The following ZNF146 variants were observed in gnomAD, a reference collection of about 807,000 sequenced individuals.
ZNF146 encodes the protein zinc finger protein 146, also known as zinc finger protein OZF.
A neutral mutation model predicts 22.2 loss-of-function variants in ZNF146; 9 were observed. That is an observed-to-expected ratio of 0.41 (90% confidence interval 0.24 to 0.71). The LOEUF (loss-of-function observed/expected upper bound fraction) is 0.71. Among genes scored for constraint, ZNF146 ranks in the 30% least tolerant of loss-of-function variants. The probability of loss-of-function intolerance (pLI) is 0.34; values close to 1 mark genes in which losing one functional copy is unlikely to be tolerated. For missense variants in ZNF146, 194 were observed against 344.8 expected, an observed-to-expected ratio of 0.56 and a Z score of 3.46; for synonymous variants, 108 against 119.2, an observed-to-expected ratio of 0.91 and a Z score of 0.61.
intron 1 of ZNF146, among the ~76,000 whole-genome samples, chr19:36,215,546 C>G (rs1395855829): frequency 6.6e-6 from 1 of 151,930 alleles, no homozygotes; most frequent in Non-Finnish European, 1.5e-5. Context: ...CCTGGAGCGT[C>G]TTTTTTACTT....
chr19:36,227,821 T>C (rs1240324637), intron 2 of ZNF146, among the ~76,000 whole-genome samples: 1 of 152,186 alleles, frequency 6.6e-6, no homozygotes, highest in Non-Finnish European at 1.5e-5. Context: ...TCCCGAAGTG[T>C]TGGGATTATA....
chr19:36,224,909 T>C lies in ZNF146; in HGVS notation c.-854-3839T>C, dbSNP rs28402142. Among the ~76,000 whole-genome samples the C allele has an allele frequency of 5.6e-3, 857 of 152,336 alleles. 7 individuals carry two copies. Among genetic ancestry groups the C allele is most frequent in the African/African-American group, 0.019 (804 of 41,568 alleles). ...CTGGATGTTTTGTTTTATGTTGCTA[T>C]GAATGGAGTCATTGTTGGCATATAT... is the stretch of plus-strand genomic sequence containing the variant. On this transcript the variant is annotated intron_variant, in intron 2 of 3. Transcript: ENST00000443387.
chr19:36,223,519 C>T (rs1485623224), intron 2 of ZNF146, among the ~76,000 whole-genome samples: 1 of 151,922 alleles, frequency 6.6e-6, no homozygotes, highest in Non-Finnish European at 1.5e-5. Flanking sequence ...CATGCCACCA[C>T]GCCTGGTTAA....
chr19:36,218,949 C>G (rs2432041), intron 2 of ZNF146, among the ~76,000 whole-genome samples: 1 of 151,412 alleles, frequency 6.6e-6, no homozygotes, highest in Non-Finnish European at 1.5e-5. Flanking sequence ...GCTGGGACTA[C>G]GGGCGCCCAC....
upstream of ZNF146, chr19:36,214,848 C>T (rs572488689): frequency 2.6e-5 from 4 of 152,762 alleles, no homozygotes; most frequent in East Asian, 7.7e-4. Context: ...CCAGACCTTC[C>T]AGCAAGCTTG....
chr19:36,232,187 T>C (rs1221970899), intron 3 of ZNF146, among the ~76,000 whole-genome samples: 4 of 109,952 alleles, frequency 3.6e-5, no homozygotes, highest in African/African-American at 1.5e-4. Flanking sequence ...AGAGCGAGAC[T>C]CCATCTCAAA....
At chr19:36,218,053 C>CCTCA in intron 1 of ZNF146, 69 bp from the exon 2 acceptor site, 1 of 151,334 alleles carries the variant, frequency 6.6e-6, no homozygotes, top group African/African-American at 2.4e-5. Flanking sequence ...GATCTGCCTG[C>CCTCA]CTCAGCCTCC....
chr19:36,217,943 G>C (rs953266535), intron 1 of ZNF146, among the ~76,000 whole-genome samples, 179 bp from the exon 2 acceptor site: 1 of 151,896 alleles, frequency 6.6e-6, no homozygotes, highest in Non-Finnish European at 1.5e-5. Context: ...GGCTGTTGGG[G>C]TGGGGGTACT....
At chr19:36,223,244 C>T (rs1410291186) in intron 2 of ZNF146, among the ~76,000 whole-genome samples, 2 of 151,858 alleles carry the variant, frequency 1.3e-5, no homozygotes, top group Non-Finnish European at 2.9e-5. Context: ...TGGTGAAACC[C>T]CGTCTCTACT....
intron 2 of ZNF146, among the ~76,000 whole-genome samples, chr19:36,218,820 G>T (rs1976719446): frequency 7.0e-6 from 1 of 142,914 alleles, no homozygotes; most frequent in Non-Finnish European, 1.5e-5. Context: ...TTTTTTTGGT[G>T]GAGGGGGGGA....
At chr19:36,232,609 CT>C (rs548903056) in intron 3 of ZNF146, among the ~76,000 whole-genome samples, 7,060 of 139,990 alleles carry the variant, frequency 0.05, 541 homozygotes, top group African/African-American at 0.17. Flanking sequence ...TTTCTTTTTT[CT>C]TTTTTTTTTT....
At chr19:36,226,272 A>G (rs62113114) in intron 2 of ZNF146, among the ~76,000 whole-genome samples, 6,556 of 152,290 alleles carry the variant, frequency 0.043, 192 homozygotes, top group Non-Finnish European at 0.069. Context: ...AGTTGCTTCC[A>G]GCCAACTCAC....
chr19:36,233,975 T>G (rs973573548), intron 3 of ZNF146, among the ~76,000 whole-genome samples: 1 of 152,094 alleles, frequency 6.6e-6, no homozygotes, highest in South Asian at 2.1e-4. Flanking sequence ...TTTCAGACTA[T>G]CACATGGGGA....
rs1418855931 is a variant in ZNF146 at position 36,236,736 on chromosome 19, C to T, written c.296C>T (p.Pro99Leu). 6.2e-7 allele frequency: 1 copy of T among 1,614,116 alleles called. No homozygotes were observed. The highest frequency in any genetic ancestry group is 1.1e-5 in the South Asian group (1 of 91,080). ...CAGAAAATTCACACTGGAGAAAAAC[C>T]TTTTGAGTGTAAAGATTGCGGGAAA... is the stretch of plus-strand genomic sequence containing the variant. ...THQKIHTGEK[P>L]FECKDCGKAF... is the part of the protein sequence containing the mutation. Residue 99 changes from proline to leucine, a missense_variant, in exon 4 of 4, where the codon CCT becomes CTT. Coordinates refer to ENST00000443387, the MANE Select transcript of ZNF146 (RefSeq NM_007145.3).
intron 3 of ZNF146, among the ~76,000 whole-genome samples, chr19:36,234,836 G>C (rs1445010130): frequency 6.6e-6 from 1 of 152,172 alleles, no homozygotes; most frequent in Non-Finnish European, 1.5e-5. Context: ...TTAAAATTCT[G>C]CAGGGGATAA....
rs185372488 is a variant in ZNF146, at chr19:36,223,598, C to T, written c.-854-5150C>T. Among the ~76,000 whole-genome samples, 469 of 152,084 alleles carry T rather than the reference C, an allele frequency of 3.1e-3. 1 individual carries two copies. The highest frequency in any genetic ancestry group is 4.7e-3 in the Non-Finnish European group (321 of 67,964). ...CAGGATGGTCTCGATCTCCTGACCT[C>T]GTGATCCGCCCGCCTCGGCCCTCCA... is the stretch of plus-strand genomic sequence containing the variant. On this transcript the variant is annotated intron_variant, in intron 2 of 3. Coordinates refer to ENST00000443387, the MANE Select transcript of ZNF146 (RefSeq NM_007145.3).
chr19:36,216,064 A>G (rs555371162), intron 1 of ZNF146, among the ~76,000 whole-genome samples: 2 of 152,336 alleles, frequency 1.3e-5, no homozygotes, highest in South Asian at 2.1e-4. Flanking sequence ...CGTCATTGAC[A>G]TAGTTTTAAA....
At chr19:36,234,475 C>T (rs2145460692) in intron 3 of ZNF146, among the ~76,000 whole-genome samples, 2 of 152,252 alleles carry the variant, frequency 1.3e-5, no homozygotes, top group South Asian at 4.1e-4. Flanking sequence ...TCCAATTGTC[C>T]CCAGAATGCC....
intron 3 of ZNF146, among the ~76,000 whole-genome samples, chr19:36,234,546 C>T (rs1051734859): frequency 4.6e-5 from 7 of 152,124 alleles, no homozygotes; most frequent in African/African-American, 1.7e-4. Context: ...TCTGGTTGCT[C>T]GCCACCACGC....
Sources: allele counts gnomAD v4.1 joint callset (sites outside exome capture counted in the v4.1 genomes callset), GRCh38; gene constraint gnomAD v4.1.1; transcripts MANE v1.5; gene names NCBI Gene and HGNC (gene_info 2026-07-23, HGNC 2026-07-21).